PRR4: variants seen among roughly 807,000 people sequenced by gnomAD.
The protein encoded by PRR4 is proline-rich protein 4.
PRR4 carries 7 observed loss-of-function variants against 7.6 expected under a neutral mutation model. That is an observed-to-expected ratio of 0.92 (90% CI 0.52 to 1.73). The LOEUF (loss-of-function observed/expected upper bound fraction) is 1.73. PRR4 is among the 40% of genes most tolerant of loss of function. PRR4 has a pLI of 0.00. For synonymous variants in PRR4, 64 were observed against 58.5 expected, an observed-to-expected ratio of 1.09 and a Z score of -0.43; for missense variants, 187 against 161.0, an observed-to-expected ratio of 1.16 and a Z score of -0.87.
At chr12:10,846,967 C>T in intron 3 of PRR4, 78 bp downstream of exon 3, 2 of 1,269,300 alleles carry the variant, frequency 1.6e-6, no homozygotes, top group Non-Finnish European at 2.2e-6. Context: ...AACATATTTC[C>T]AATTGATTTG....
intron 3 of PRR4, 51 bp from the exon 4 acceptor site, chr12:10,846,001 C>A (rs545467448): frequency 5.2e-6 from 6 of 1,160,878 alleles, no homozygotes; most frequent in South Asian, 5.1e-5. Flanking sequence ...TACAACATGG[C>A]AAAACTTATC....
At chr12:10,848,343 G>A (rs780587831) in intron 2 of PRR4, 29 bp downstream of exon 2, 2 of 1,584,614 alleles carry the variant, frequency 1.3e-6, no homozygotes, top group South Asian at 2.2e-5. Flanking sequence ...AGAAAGAAAA[G>A]AATTGGATTG....
At chr12:10,848,234 C>T (rs1333835108) in intron 2 of PRR4, 138 bp downstream of exon 2, 1 of 738,600 alleles carries the variant, frequency 1.4e-6, no homozygotes, top group African/African-American at 1.8e-5. Flanking sequence ...TTTAGGGGCA[C>T]TAATATTAAT....
At chr12:10,847,964 A>ATTTTT (rs1272894285) in intron 2 of PRR4, among the ~76,000 whole-genome samples, 2 of 152,196 alleles carry the variant, frequency 1.3e-5, no homozygotes, top group Non-Finnish European at 2.9e-5. Context: ...TCATGCAGTG[A>ATTTTT]TTTTTTTGTT....
At chr12:10,846,517 T>C (rs1949019454) in intron 3 of PRR4, among the ~76,000 whole-genome samples, 1 of 152,188 alleles carries the variant, frequency 6.6e-6, no homozygotes, top group Non-Finnish European at 1.5e-5. Context: ...CTTCATACCA[T>C]TCTGTTCAGT....
chr12:10,846,185 T>C (rs1397349148), intron 3 of PRR4, among the ~76,000 whole-genome samples: 1 of 152,176 alleles, frequency 6.6e-6, no homozygotes, highest in African/African-American at 2.4e-5. Context: ...TACATATCAA[T>C]TAACAGTGGT....
intron 1 of PRR4, 57 bp downstream of exon 1, chr12:10,849,317 A>G (rs1949064900): frequency 2.7e-6 from 3 of 1,118,428 alleles, no homozygotes; most frequent in South Asian, 1.5e-5. Flanking sequence ...GCCCTAGAAG[A>G]GTCATGGCCC....
In PRR4 at chr12:10,848,303, A is replaced by G. The variant is rs890022042; in HGVS notation, c.100+69T>C. 1.6e-5 allele frequency: 24 copies of G among 1,490,438 alleles called. No homozygotes were observed. In the African/African-American group the frequency reaches 2.5e-4, roughly 16 times the overall value. The allele number at this position is 1,490,438 out of a possible 1,614,324, so 92.3% of individuals were successfully genotyped here. ...AAAAATGATGAGAAGAAGACACTGA[A>G]GGAAACTAAAAAGAAATTCTAGTGG... is the stretch of plus-strand genomic sequence containing the variant. On this transcript the variant is annotated intron_variant, in intron 2 of 3. Transcript: ENST00000228811.
intron 3 of PRR4, 58 bp downstream of exon 3, chr12:10,846,987 T>C: frequency 7.2e-7 from 1 of 1,385,820 alleles, no homozygotes; most frequent in African/African-American, 1.4e-5. Flanking sequence ...GTGAACACGA[T>C]AAAGTTTGGG....
intron 1 of PRR4, chr12:10,848,696 T>C: frequency 2.8e-6 from 1 of 353,052 alleles, no homozygotes; most frequent in South Asian, 1.4e-4. Context: ...GGTATTTTCA[T>C]GTCATATTTT....
chr12:10,847,192 T>C lies in PRR4; in HGVS notation c.276A>G (p.Gln92=), dbSNP rs777940366. 112 of 1,613,476 alleles carry C rather than the reference T, an allele frequency of 6.9e-5. No individual in the cohort carries two copies. Among genetic ancestry groups the C allele is most frequent in the Non-Finnish European group, 9.1e-5 (107 of 1,179,798 alleles). ...HPPPPPFQNQ[Q]RPPRRGHRQL... is the part of the protein sequence containing the mutation. Reference sequence around the variant, plus strand: ...GACGGTGTCCTCGTCGGGGTGGTCGTTGCTGATTTTGAAAAGGAGGTGGGG... The same window carrying C: ...GACGGTGTCCTCGTCGGGGTGGTCGCTGCTGATTTTGAAAAGGAGGTGGGG... Residue 92 remains glutamine (Q), a synonymous_variant, in exon 3 of 4, where the codon CAA becomes CAG. Coordinates refer to ENST00000228811, the MANE Select transcript of PRR4 (RefSeq NM_007244.3).
intron 3 of PRR4, 41 bp from the exon 4 acceptor site, chr12:10,845,991 T>C: frequency 8.0e-7 from 1 of 1,257,474 alleles, no homozygotes. Context: ...ATACACAACA[T>C]ACAACATGGC....
At position 10,847,169 on chromosome 12, in the gene PRR4, C is replaced by A; in HGVS notation, c.299G>T (p.Arg100Leu). 1 of 1,613,660 alleles carries A rather than the reference C, an allele frequency of 6.2e-7. No individual in the cohort carries two copies. The highest frequency in any genetic ancestry group is 2.2e-5 in the East Asian group (1 of 44,862). The change falls in exon 3 of 4, where the codon CGT becomes CTT. Residue 100 changes from arginine to leucine, a missense_variant. Transcript: ENST00000228811. ...NQQRPPRRGH[R>L]QLSLPRFPSV... ...AGGAAATCGGGGTAGAGAGAGTTGA[C>A]GGTGTCCTCGTCGGGGTGGTCGTTG... is the stretch of plus-strand genomic sequence containing the variant.
intron 2 of PRR4, 49 bp from the exon 3 acceptor site, chr12:10,847,416 A>G: frequency 7.6e-7 from 1 of 1,321,002 alleles, no homozygotes; most frequent in Non-Finnish European, 1.0e-6. Context: ...GTGAAGAAAA[A>G]CTCTCCTCTC....
At chr12:10,847,620 C>A (rs1236512443) in intron 2 of PRR4, among the ~76,000 whole-genome samples, 9 of 148,092 alleles carry the variant, frequency 6.1e-5, no homozygotes, top group Non-Finnish European at 1.2e-4. Context: ...AAGAGGGGTT[C>A]TTGCATATCT....
In PRR4 at chr12:10,848,385, A is replaced by C. The variant is rs1949050651; in HGVS notation, c.87T>G (p.Thr29=). 1 of 1,610,816 alleles carries C rather than the reference A, an allele frequency of 6.2e-7. No individual in the cohort carries two copies. The highest frequency in any genetic ancestry group is 1.3e-5 in the African/African-American group (1 of 74,848). Residue 29 remains threonine (T), a synonymous_variant, in exon 2 of 4, where the codon ACT becomes ACG. Transcript: ENST00000228811. ...TDNDVNYEDF[T]FTIPDVEDSS... Reference sequence around the variant, plus strand: ...ATTGGGATTTACCTGGTATGGTGAAAGTAAAGTCTTCATAGTTCACATCTA... The same window carrying C: ...ATTGGGATTTACCTGGTATGGTGAACGTAAAGTCTTCATAGTTCACATCTA...
At chr12:10,846,289 A>AT (rs1241533167) in intron 3 of PRR4, among the ~76,000 whole-genome samples, 2 of 152,234 alleles carry the variant, frequency 1.3e-5, no homozygotes, top group African/African-American at 4.8e-5. Flanking sequence ...AAGAAGATCT[A>AT]TAGGTCTCCG....
chr12:10,848,803 A>G, intron 1 of PRR4: 1 of 194,154 alleles, frequency 5.2e-6, no homozygotes, highest in Non-Finnish European at 1.0e-5. Flanking sequence ...ATAATCTTAC[A>G]CATGCTGCCT....
rs375488635 is a variant in PRR4, at chr12:10,847,323, G to C, written c.145C>G (p.Pro49Ala). The change falls in exon 3 of 4, where the codon CCT (proline) becomes GCT (alanine). Residue 49 changes from proline (P) to alanine (A), a missense_variant. Physicochemically the swap from Pro to Ala is conservative, Grantham distance 27 (BLOSUM62 -1). Transcript: ENST00000228811. ...SQRPDQGPQRPPPEGLLPRPP... is the reference protein window; with the variant it reads ...SQRPDQGPQRAPPEGLLPRPP... ...CTAGGTAGGAGTCCTTCAGGAGGAG[G>C]TCTCTGGGGTCCCTGATCTGGTCTC... 15 of 1,575,478 alleles carry C rather than the reference G, an allele frequency of 9.5e-6. No homozygotes were observed. In the African/African-American group the frequency reaches 1.9e-4, roughly 20 times the overall value.
Sources: allele counts gnomAD v4.1 joint callset (sites outside exome capture counted in the v4.1 genomes callset), GRCh38; gene constraint gnomAD v4.1.1; transcripts MANE v1.5; gene names NCBI Gene and HGNC (gene_info 2026-07-23, HGNC 2026-07-21).